The following TCTN3 variants were observed in gnomAD, a reference collection of about 807,000 sequenced individuals.
The protein encoded by TCTN3 is tectonic family member 3, also known as tectonic-3.
In TCTN3, 57 loss-of-function variants were observed where a neutral mutation model predicts 71.3. That is an observed-to-expected ratio of 0.80 (90% CI 0.65 to 1.00). The LOEUF is 1.00. TCTN3 is among the 50% of genes least tolerant of loss of function. TCTN3 has a pLI of 0.00. For synonymous variants in TCTN3, 258 were observed against 267.8 expected (o/e 0.96, Z 0.36); for missense variants, 696 against 719.9 (o/e 0.97, Z 0.38).
intron 10 of TCTN3, 29 bp from the exon 11 acceptor site, chr10:95,683,224 A>T: frequency 2.5e-6 from 4 of 1,591,684 alleles, no homozygotes; most frequent in Non-Finnish European, 3.4e-6. Context: ...GATCAAGGAC[A>T]TCATAACAGA....
At chr10:95,669,126 A>G (rs2097928416) in intron 13 of TCTN3, among the ~76,000 whole-genome samples, 1 of 152,232 alleles carries the variant, frequency 6.6e-6, no homozygotes, top group Non-Finnish European at 1.5e-5. Flanking sequence ...ACACTGGCAG[A>G]GTAGTGGGGG....
chr10:95,687,190 A>G, intron 5 of TCTN3, 31 bp from the exon 6 acceptor site: 3 of 1,612,412 alleles, frequency 1.9e-6, no homozygotes, highest in Non-Finnish European at 1.7e-6. Context: ...AGAGTGGTAA[A>G]TGAGAAAGCC....
Position 95,685,555 on chromosome 10 carries a change from CCTGAGAAA to C in TCTN3, c.962_969del (p.Val321GlyfsTer4). The C allele has an allele frequency of 6.5e-7, 1 of 1,549,830 alleles. No homozygotes were observed. The highest frequency in any genetic ancestry group is 8.7e-7 in the Non-Finnish European group (1 of 1,145,450). Reference sequence around the variant, plus strand: ...CCAGAATCTGAGGTCAGTATCCCTACCTGAGAAACTACATTCTGACAAGTGTTTCCAGC... The same window carrying C: ...CCAGAATCTGAGGTCAGTATCCCTACCTACATTCTGACAAGTGTTTCCAGC... On this transcript the variant is annotated frameshift_variant and splice_region_variant, in exon 8 of 14. Transcript: ENST00000371217. LOFTEE classifies it high-confidence loss of function.
intron 3 of TCTN3, among the ~76,000 whole-genome samples, chr10:95,690,728 TG>T (rs1349281186): frequency 2.0e-5 from 3 of 152,244 alleles, no homozygotes; most frequent in African/African-American, 7.2e-5. Flanking sequence ...TTATGGATAG[TG>T]GGAAGTAATG....
rs201828119 is a variant in TCTN3 at position 95,679,583 on chromosome 10, CTTTTTTTTTTTTTTT to C, written c.1590+874_1590+888del. 1.5e-4 allele frequency among the ~76,000 whole-genome samples: 14 copies of C among 96,448 alleles called. No homozygotes were observed. The South Asian group carries it at 1.7e-3, about 12-fold the overall frequency. 63.3% of individuals were successfully genotyped at this position (96,448 alleles called of 152,430 possible). ...TAATTTCACTAGGACCTAGTCATTTCTTTTTTTTTTTTTTTTTTTTTTTTTTGAGACGGAGTCTCG... is the reference window on the plus strand; with the variant it reads ...TAATTTCACTAGGACCTAGTCATTTCTTTTTTTTTTTGAGACGGAGTCTCG... On this transcript the variant is annotated intron_variant, in intron 13 of 13. Coordinates refer to ENST00000371217, the MANE Select transcript of TCTN3 (RefSeq NM_015631.6).
At chr10:95,669,371 T>C (rs925661520) in intron 13 of TCTN3, among the ~76,000 whole-genome samples, 1 of 152,220 alleles carries the variant, frequency 6.6e-6, no homozygotes, top group Non-Finnish European at 1.5e-5. Context: ...CATCACATAG[T>C]GTATGAATTT....
intron 3 of TCTN3, among the ~76,000 whole-genome samples, chr10:95,690,308 G>A (rs1194344635): frequency 6.6e-6 from 1 of 152,080 alleles, no homozygotes; most frequent in African/African-American, 2.4e-5. Flanking sequence ...AAGCACCATG[G>A]GGAAACAAAG....
chr10:95,668,386 C>G (rs577539838), intron 13 of TCTN3, among the ~76,000 whole-genome samples: 150 of 151,842 alleles, frequency 9.9e-4, no homozygotes, highest in African/African-American at 3.5e-3. Flanking sequence ...AAGAAAAGAT[C>G]TACTCAAGGC....
intron 13 of TCTN3, among the ~76,000 whole-genome samples, chr10:95,670,635 T>C (rs1343820299): frequency 1.3e-5 from 2 of 151,878 alleles, no homozygotes; most frequent in Non-Finnish European, 2.9e-5. Flanking sequence ...CCCAAAATGC[T>C]GGAATTACAA....
chr10:95,664,415 T>C, intron 13 of TCTN3, 115 bp from the exon 14 acceptor site: 1 of 868,256 alleles, frequency 1.2e-6, no homozygotes, highest in Non-Finnish European at 1.9e-6. Context: ...CTAAGCAAGA[T>C]ATACCTTTAT....
intron 13 of TCTN3, among the ~76,000 whole-genome samples, chr10:95,678,533 CAAAAA>C (rs71034346): frequency 3.9e-5 from 4 of 103,676 alleles, no homozygotes; most frequent in Non-Finnish European, 4.0e-5. Context: ...AACACTGTCT[CAAAAA>C]AAAAAAAAAA....
At chr10:95,670,569 T>C (rs1370536710) in intron 13 of TCTN3, among the ~76,000 whole-genome samples, 1 of 151,890 alleles carries the variant, frequency 6.6e-6, no homozygotes, top group African/African-American at 2.4e-5. Context: ...GGTTTTGCCA[T>C]GTTACCCAGC....
At chr10:95,693,498 T>G in intron 1 of TCTN3, 22 bp from the exon 2 acceptor site, 1 of 1,551,832 alleles carries the variant, frequency 6.4e-7, no homozygotes, top group Non-Finnish European at 8.7e-7. Context: ...CGACACAGAG[T>G]GAGTGGGATG....
At chr10:95,672,160 T>TGTGTGTGTGTGTGTGTGTG (rs139798593) in intron 13 of TCTN3, among the ~76,000 whole-genome samples, 12 of 139,568 alleles carry the variant, frequency 8.6e-5, no homozygotes, top group Admixed American at 3.0e-4. Flanking sequence ...ATTATTATTA[T>TGTGTGTGTGTGTGTGTGTG]TGTGTGTGTG....
chr10:95,674,992 CAATG>C (rs374427370), intron 13 of TCTN3, among the ~76,000 whole-genome samples: 287 of 152,064 alleles, frequency 1.9e-3, no homozygotes, highest in African/African-American at 6.3e-3. Flanking sequence ...TTAAAGATGT[CAATG>C]AAGTTATCCA....
rs758733887 is a variant in TCTN3 at position 95,687,126 on chromosome 10, C to A, written c.770G>T (p.Arg257Leu). ...FLESKSTTCTRFFKNLASSCT... is the reference protein window; with the variant it reads ...FLESKSTTCTLFFKNLASSCT... ...GCTACTAGCCAGGTTCTTGAAAAAACGAGTGCAAGTTGTACTTTTACTCTC... is the reference window on the plus strand; with the variant it reads ...GCTACTAGCCAGGTTCTTGAAAAAAAGAGTGCAAGTTGTACTTTTACTCTC... Residue 257 changes from arginine to leucine, a missense_variant, in exon 6 of 14, where the codon CGT becomes CTT. Physicochemically the swap from Arg to Leu is moderately radical, Grantham distance 102. Coordinates refer to ENST00000371217, the MANE Select transcript of TCTN3 (RefSeq NM_015631.6). 1.9e-6 allele frequency: 3 copies of A among 1,614,044 alleles called. No homozygotes were observed. The highest frequency in any genetic ancestry group is 2.5e-6 in the Non-Finnish European group (3 of 1,180,018).
At chr10:95,686,564 A>G (rs373696280) in intron 6 of TCTN3, 34 bp from the exon 7 acceptor site, 21 of 1,604,972 alleles carry the variant, frequency 1.3e-5, no homozygotes, top group Non-Finnish European at 1.8e-5. Flanking sequence ...ATGTGCATAT[A>G]CCTTACCAAA....
intron 13 of TCTN3, among the ~76,000 whole-genome samples, chr10:95,666,497 T>C (rs1392829864): frequency 6.6e-6 from 1 of 152,194 alleles, no homozygotes; most frequent in Non-Finnish European, 1.5e-5. Context: ...GATTTACTAT[T>C]AGGACTTTAG....
intron 3 of TCTN3, among the ~76,000 whole-genome samples, chr10:95,692,553 C>T (rs936248112): frequency 7.0e-6 from 1 of 142,866 alleles, no homozygotes; most frequent in African/African-American, 2.6e-5. Context: ...AGAGAAGAGG[C>T]AGAAAGAGGC....
Sources: allele counts gnomAD v4.1 joint callset (sites outside exome capture counted in the v4.1 genomes callset), GRCh38; gene constraint gnomAD v4.1.1; transcripts MANE v1.5; gene names NCBI Gene and HGNC (gene_info 2026-07-23, HGNC 2026-07-21).